The following ANKFN1 variants were observed in gnomAD, a reference collection of about 807,000 sequenced individuals.
The protein encoded by ANKFN1 is ankyrin repeat and fibronectin type-III domain-containing protein 1.
Under a neutral mutation model 108.7 loss-of-function variants are expected in ANKFN1, and 74 were observed. That is an observed-to-expected ratio of 0.68 (90% CI 0.56 to 0.83). The LOEUF is 0.83. Ranked by LOEUF, ANKFN1 falls within the 40% of genes least tolerant of loss-of-function variation. The pLI, the probability that ANKFN1 is intolerant of heterozygous loss-of-function variation, is 0.00. For synonymous variants in ANKFN1, 547 were observed against 516.2 expected (o/e 1.06, Z -0.81); for missense variants, 1,505 against 1,382.3 (o/e 1.09, Z -1.41).
chr17:56,477,815 T>G (rs113151852), intron 16 of ANKFN1, among the ~76,000 whole-genome samples, 161 bp downstream of exon 16: 51 of 150,800 alleles, frequency 3.4e-4, no homozygotes, highest in African/African-American at 5.4e-4. Flanking sequence ...AGTTTTGGGG[T>G]TTTTTTTTGT....
intron 3 of ANKFN1, among the ~76,000 whole-genome samples, chr17:56,230,962 A>G (rs1916692150): frequency 1.3e-5 from 2 of 152,120 alleles, no homozygotes; most frequent in Non-Finnish European, 2.9e-5. Flanking sequence ...TGTTAATGAA[A>G]TAAGTCAGAA....
intron 3 of ANKFN1, among the ~76,000 whole-genome samples, chr17:56,320,689 G>A (rs558934614): frequency 6.6e-5 from 10 of 152,264 alleles, no homozygotes; most frequent in African/African-American, 2.2e-4. Context: ...CGATTATCAC[G>A]TCGGTGCTAC....
At position 56,170,803 on chromosome 17, in the gene ANKFN1, T is replaced by TACACACACACACACAC. The variant is rs1160259097; in HGVS notation, c.-71+17274_-71+17275insCACACACACACACACA. On this transcript the variant is annotated intron_variant, in intron 1 of 20. Transcript: ENST00000682825. ...ATATATATATATATATATATATATA[T>TACACACACACACACAC]ATATACACACACACACACACACACA... is the stretch of plus-strand genomic sequence containing the variant. 2.1e-3 allele frequency among the ~76,000 whole-genome samples: 142 copies of TACACACACACACACAC among 68,046 alleles called. 2 individuals carry two copies. The highest frequency in any genetic ancestry group is 9.6e-3 in the South Asian group (13 of 1,360). 44.6% of individuals were successfully genotyped at this position (68,046 alleles called of 152,430 possible). A position where few individuals can be genotyped will look rare whatever the true frequency, so the allele number is the denominator to read the frequency against.
At chr17:56,492,043 T>G in intron 18 of ANKFN1, 144 bp from the exon 19 acceptor site, 4 of 585,284 alleles carry the variant, frequency 6.8e-6, no homozygotes, top group Non-Finnish European at 1.2e-5. Flanking sequence ...TAAGAGCACA[T>G]TTATAATTTA....
In ANKFN1 at chr17:56,120,522, T is replaced by C. The variant is rs1487738091; in HGVS notation, c.288+74197T>C. 3.3e-5 allele frequency among the ~76,000 whole-genome samples: 5 copies of C among 152,196 alleles called. No individual in the cohort carries two copies. In the East Asian group the frequency reaches 5.8e-4, roughly 18 times the overall value. On this transcript the variant is annotated intron_variant, in intron 4 of 12. Coordinates refer to the ANKFN1 transcript ENST00000635860. ...CAATCTTGGAATATGCCATGCCTAA[T>C]GGAAGCCAACTCTTATGACTCTCCT...
At chr17:56,482,879 T>C (rs2050756066) in intron 18 of ANKFN1, among the ~76,000 whole-genome samples, 2 of 152,082 alleles carry the variant, frequency 1.3e-5, no homozygotes, top group South Asian at 2.1e-4. Context: ...TCTCACTCTC[T>C]TTTTCCCCTT....
chr17:56,304,882 G>A (rs577301567), intron 3 of ANKFN1, among the ~76,000 whole-genome samples: 42 of 151,664 alleles, frequency 2.8e-4, no homozygotes, highest in East Asian at 1.2e-3. Flanking sequence ...GGCCATTTCC[G>A]CATTGGAATA....
At chr17:56,267,340 G>A (rs939527251) in intron 3 of ANKFN1, among the ~76,000 whole-genome samples, 1 of 151,970 alleles carries the variant, frequency 6.6e-6, no homozygotes, top group African/African-American at 2.4e-5. Flanking sequence ...ATCTTTGTTG[G>A]GTGCATTCTC....
chr17:56,162,793 TGA>T (rs1362816859), intron 1 of ANKFN1, among the ~76,000 whole-genome samples: 3 of 152,192 alleles, frequency 2.0e-5, no homozygotes, highest in Non-Finnish European at 2.9e-5. Context: ...CCCAGCACTC[TGA>T]GAGACTGAGG....
intron 1 of ANKFN1, among the ~76,000 whole-genome samples, chr17:56,186,363 A>G (rs1912208048): frequency 6.8e-6 from 1 of 147,764 alleles, no homozygotes; most frequent in South Asian, 2.1e-4. Flanking sequence ...CCTTTCACTT[A>G]TATTATCATG....
At chr17:56,273,814 A>T (rs2043849939) in intron 3 of ANKFN1, among the ~76,000 whole-genome samples, 2 of 152,242 alleles carry the variant, frequency 1.3e-5, no homozygotes, top group African/African-American at 4.8e-5. Context: ...ACTATATAGT[A>T]AGGTTAGGAC....
Position 56,511,373 on chromosome 17 carries a change from T to G in ANKFN1, c.*104T>G. The G allele has an allele frequency of 2.5e-6, 3 of 1,211,266 alleles. No individual in the cohort carries two copies. The highest frequency in any genetic ancestry group is 3.3e-6 in the Non-Finnish European group (3 of 895,586). 75.0% of individuals were successfully genotyped at this position (1,211,266 alleles called of 1,614,324 possible). A position where few individuals can be genotyped will look rare whatever the true frequency, so the allele number is the denominator to read the frequency against. ...TGTGTACCCACTCATTTTCAAGCGTTTTGAATGTTATAAATACAAAGGTTA... is the reference window on the plus strand; with the variant it reads ...TGTGTACCCACTCATTTTCAAGCGTGTTGAATGTTATAAATACAAAGGTTA... On this transcript the variant is annotated 3_prime_UTR_variant, in exon 21 of 21. Transcript: ENST00000682825.
At chr17:56,174,668 C>G (rs1910969286) in intron 1 of ANKFN1, among the ~76,000 whole-genome samples, 1 of 152,162 alleles carries the variant, frequency 6.6e-6, no homozygotes, top group African/African-American at 2.4e-5. Flanking sequence ...AGAGAAGTCT[C>G]CAGGGACACT....
At chr17:56,454,950 G>T (rs948222786) in intron 11 of ANKFN1, among the ~76,000 whole-genome samples, 6 of 152,124 alleles carry the variant, frequency 3.9e-5, no homozygotes, top group Admixed American at 2.0e-4. Flanking sequence ...TAGGGAAGAG[G>T]TATCTGTCCA....
At chr17:56,242,302 G>A (rs140560305) in intron 3 of ANKFN1, among the ~76,000 whole-genome samples, 26 of 152,034 alleles carry the variant, frequency 1.7e-4, no homozygotes, top group Non-Finnish European at 3.4e-4. Context: ...AGGAGAATTG[G>A]CATCTTTGTT....
At chr17:56,388,049 TAGTC>T (rs1194125033) in intron 8 of ANKFN1, among the ~76,000 whole-genome samples, 2 of 152,190 alleles carry the variant, frequency 1.3e-5, no homozygotes, top group Non-Finnish European at 2.9e-5. Flanking sequence ...CTTCTTCTCA[TAGTC>T]AGCCACTTTT....
At chr17:56,436,901 C>T (rs1431823338) in intron 8 of ANKFN1, among the ~76,000 whole-genome samples, 1 of 151,928 alleles carries the variant, frequency 6.6e-6, no homozygotes, top group South Asian at 2.1e-4. Context: ...CTCTGTTTCC[C>T]TCTTCATTCT....
intron 8 of ANKFN1, among the ~76,000 whole-genome samples, chr17:56,390,909 A>G (rs1161849877): frequency 6.6e-6 from 1 of 151,962 alleles, no homozygotes; most frequent in Non-Finnish European, 1.5e-5. Flanking sequence ...TATGCCCTCC[A>G]CCTTTTCTTC....
chr17:56,202,937 T>A (rs1303532741), intron 1 of ANKFN1, among the ~76,000 whole-genome samples: 2 of 152,246 alleles, frequency 1.3e-5, no homozygotes, highest in African/African-American at 4.8e-5. Context: ...ATGAGAAATG[T>A]TAGCTAAAAT....
Sources: allele counts gnomAD v4.1 joint callset (sites outside exome capture counted in the v4.1 genomes callset), GRCh38; gene constraint gnomAD v4.1.1; transcripts MANE v1.5; gene names NCBI Gene and HGNC (gene_info 2026-07-23, HGNC 2026-07-21).